Variants in MGAT4C observed in about 807,000 individuals in gnomAD.
MGAT4C encodes the protein alpha-1,3-mannosyl-glycoprotein 4-beta-N-acetylglucosaminyltransferase C.
MGAT4C carries 19 observed loss-of-function variants against 40.1 expected under a neutral mutation model. The observed-to-expected ratio is 0.47, with a 90% CI of 0.33 to 0.70. The LOEUF (loss-of-function observed/expected upper bound fraction) is 0.70. Ranked by LOEUF, MGAT4C falls within the 30% of genes least tolerant of loss-of-function variation. MGAT4C has a pLI of 0.02. For missense variants in MGAT4C, 491 were observed against 563.2 expected (o/e 0.87, Z 1.30); for synonymous variants, 181 against 187.1 (o/e 0.97, Z 0.27).
intron 2 of MGAT4C, among the ~76,000 whole-genome samples, chr12:86,482,932 T>C (rs1957960510): frequency 1.3e-5 from 2 of 152,244 alleles, no homozygotes; most frequent in South Asian, 4.1e-4. Flanking sequence ...CTAATATTTC[T>C]TTCTTGTATT....
intron 1 of MGAT4C, among the ~76,000 whole-genome samples, chr12:86,095,913 C>G (rs1391197968): frequency 6.6e-6 from 1 of 151,818 alleles, no homozygotes; most frequent in African/African-American, 2.4e-5. Flanking sequence ...ATTATCAACA[C>G]TGCTTACATT....
chr12:86,595,970 G>A (rs996842266), intron 2 of MGAT4C, among the ~76,000 whole-genome samples: 8 of 151,774 alleles, frequency 5.3e-5, no homozygotes, highest in African/African-American at 7.3e-5. Context: ...TTCCCACCCC[G>A]TCCCCCCTTG....
At chr12:86,455,988 T>C (rs1957504932) in intron 2 of MGAT4C, among the ~76,000 whole-genome samples, 1 of 152,148 alleles carries the variant, frequency 6.6e-6, no homozygotes. Flanking sequence ...ATGATACATC[T>C]ACTATTAAGC....
At chr12:86,610,223 A>G (rs1483422458) in intron 2 of MGAT4C, among the ~76,000 whole-genome samples, 2 of 152,102 alleles carry the variant, frequency 1.3e-5, no homozygotes, top group East Asian at 3.9e-4. Flanking sequence ...TTTTCTTGAG[A>G]GGGATGTTAA....
intron 1 of MGAT4C, among the ~76,000 whole-genome samples, chr12:86,729,858 A>C (rs1481777299): frequency 1.3e-5 from 2 of 152,110 alleles, no homozygotes; most frequent in African/African-American, 2.4e-5. Context: ...TAAAATGTTT[A>C]TACAGACTTC....
intron 2 of MGAT4C, among the ~76,000 whole-genome samples, chr12:86,542,004 A>C (rs1464787087): frequency 1.3e-5 from 2 of 152,210 alleles, no homozygotes; most frequent in Non-Finnish European, 2.9e-5. Context: ...CAAAAACATG[A>C]CATTTGAGCC....
At chr12:86,584,481 A>G (rs996072396) in intron 2 of MGAT4C, among the ~76,000 whole-genome samples, 1 of 151,090 alleles carries the variant, frequency 6.6e-6, no homozygotes, top group African/African-American at 2.4e-5. Context: ...ACTTAACAAT[A>G]TATGTTGCTC....
At chr12:86,454,322 G>A (rs945859577) in intron 2 of MGAT4C, among the ~76,000 whole-genome samples, 1 of 151,974 alleles carries the variant, frequency 6.6e-6, no homozygotes, top group Non-Finnish European at 1.5e-5. Context: ...TGACTTTCTG[G>A]GTTCAAGCAA....
intron 1 of MGAT4C, among the ~76,000 whole-genome samples, chr12:86,141,616 T>A (rs1398277450): frequency 6.6e-6 from 1 of 152,166 alleles, no homozygotes. Context: ...GAAAGGGTTT[T>A]GTAATCTTTT....
intron 2 of MGAT4C, among the ~76,000 whole-genome samples, chr12:86,637,224 T>C (rs1289163469): frequency 1.3e-5 from 2 of 152,010 alleles, no homozygotes; most frequent in African/African-American, 2.4e-5. Context: ...TGATTATATA[T>C]TGAACATAAA....
intron 2 of MGAT4C, among the ~76,000 whole-genome samples, chr12:86,565,511 G>A (rs7302447): frequency 0.84 from 128,013 of 152,224 alleles, 54,347 homozygotes; most frequent in East Asian, 0.96. Flanking sequence ...TTTCCAGTGG[G>A]GAGAACTTCA....
chr12:86,259,092 A>G (rs1952602006), upstream of MGAT4C, among the ~76,000 whole-genome samples: 1 of 152,042 alleles, frequency 6.6e-6, no homozygotes. Context: ...TATTTTATAC[A>G]TAAGGACAGA....
At chr12:86,061,894 C>A (rs1262794366) in intron 1 of MGAT4C, among the ~76,000 whole-genome samples, 1 of 152,152 alleles carries the variant, frequency 6.6e-6, no homozygotes, top group African/African-American at 2.4e-5. Context: ...ATAGATAAAA[C>A]CCCCACCTCC....
At chr12:86,179,807 C>T (rs1887908119) in intron 1 of MGAT4C, among the ~76,000 whole-genome samples, 1 of 152,088 alleles carries the variant, frequency 6.6e-6, no homozygotes, top group Non-Finnish European at 1.5e-5. Flanking sequence ...AAAAGGGAAA[C>T]AGAGCATAAA....
intron 2 of MGAT4C, among the ~76,000 whole-genome samples, chr12:86,550,957 G>A (rs868717446): frequency 2.6e-5 from 4 of 152,196 alleles, no homozygotes; most frequent in Admixed American, 1.3e-4. Context: ...AATCAGGGCC[G>A]GGGAAACAGC....
At chr12:86,489,702 G>T (rs1243117634) in intron 2 of MGAT4C, among the ~76,000 whole-genome samples, 2 of 152,136 alleles carry the variant, frequency 1.3e-5, no homozygotes, top group African/African-American at 4.8e-5. Context: ...CCTCCGAGGG[G>T]TTGAACCATG....
intron 1 of MGAT4C, among the ~76,000 whole-genome samples, chr12:86,764,368 A>G (rs1951462541): frequency 6.6e-6 from 1 of 152,146 alleles, no homozygotes; most frequent in Admixed American, 6.5e-5. Flanking sequence ...GGGAAGCTCG[A>G]ACTGGGTGGA....
chr12:86,739,133 C>CAAAAAAAAAAAAAAAAA lies in MGAT4C; in HGVS notation c.-261-11909_-261-11893dup, dbSNP rs59869666. Among the ~76,000 whole-genome samples, 20 of 39,794 alleles carry CAAAAAAAAAAAAAAAAA rather than the reference C, an allele frequency of 5.0e-4. 2 individuals are homozygous for CAAAAAAAAAAAAAAAAA. The highest frequency in any genetic ancestry group is 6.3e-4 in the African/African-American group (6 of 9,506). 26.1% of individuals were successfully genotyped at this position (39,794 alleles called of 152,430 possible). ...TTTAATTCAGCTATGTTTCCCTGTG[C>CAAAAAAAAAAAAAAAAA]AAAAAAAAAAAAAAAAAAAAAAAAA... is the stretch of plus-strand genomic sequence containing the variant. On this transcript the variant is annotated intron_variant, in intron 1 of 7. Coordinates refer to the MGAT4C transcript ENST00000548651.
intron 2 of MGAT4C, among the ~76,000 whole-genome samples, chr12:86,575,736 G>T (rs116475476): frequency 0.013 from 2,018 of 151,928 alleles, 16 homozygotes; most frequent in African/African-American, 0.019. Flanking sequence ...CAGTGGGATT[G>T]CTGGATAATA....
Sources: allele counts gnomAD v4.1 joint callset (sites outside exome capture counted in the v4.1 genomes callset), GRCh38; gene constraint gnomAD v4.1.1; transcripts MANE v1.5; gene names NCBI Gene and HGNC (gene_info 2026-07-23, HGNC 2026-07-21).